Variants in MARCHF10 observed in about 807,000 individuals in gnomAD.
MARCHF10 encodes the protein probable E3 ubiquitin-protein ligase MARCHF10.
MARCHF10 carries 64 observed loss-of-function variants against 76.2 expected under a neutral mutation model. The observed-to-expected ratio is 0.84, with a 90% CI of 0.69 to 1.03. The LOEUF is 1.03. Among genes scored for constraint, MARCHF10 ranks in the 50% least tolerant of loss-of-function variants. The pLI, the probability that MARCHF10 is intolerant of heterozygous loss-of-function variation, is 0.00. For synonymous variants in MARCHF10, 340 were observed against 357.5 expected, an observed-to-expected ratio of 0.95 and a Z score of 0.55; for missense variants, 875 against 958.0, an observed-to-expected ratio of 0.91 and a Z score of 1.14.
chr17:62,710,202 C>G (rs1428655988), intron 9 of MARCHF10, among the ~76,000 whole-genome samples: 1 of 152,178 alleles, frequency 6.6e-6, no homozygotes, highest in African/African-American at 2.4e-5. Flanking sequence ...CATCTGTAAC[C>G]TGTATCAACC....
intron 1 of MARCHF10, among the ~76,000 whole-genome samples, chr17:62,803,398 T>C (rs1409077435): frequency 1.3e-5 from 2 of 151,968 alleles, no homozygotes; most frequent in Admixed American, 6.6e-5. Flanking sequence ...GGGAAGACCA[T>C]TGGGAATATT....
Position 62,712,705 on chromosome 17 carries a change from G to A in MARCHF10, c.2215-1361C>T, listed in dbSNP as rs1370131868. Among the ~76,000 whole-genome samples the A allele has an allele frequency of 6.6e-6, 1 of 152,172 alleles. No homozygotes were observed. Among genetic ancestry groups the A allele is most frequent in the Non-Finnish European group, 1.5e-5 (1 of 68,040 alleles). On this transcript the variant is annotated intron_variant, in intron 8 of 10. Transcript: ENST00000311269. The surrounding 1 kb of genome is among the most constrained non-coding windows in gnomAD (Gnocchi z 4.2). ...TGTGCTCTGCTGACCTTGGCCTAGA[G>A]TGAGTAGAGAAGAAGTTGCTTGTTT...
chr17:62,730,714 T>G (rs1030609742), intron 6 of MARCHF10, among the ~76,000 whole-genome samples: 2 of 152,072 alleles, frequency 1.3e-5, no homozygotes, highest in African/African-American at 4.8e-5. Flanking sequence ...CCCAATGTGG[T>G]GAAACCCTGT....
rs1190446237 is a variant in MARCHF10 at position 62,736,476 on chromosome 17, T to A, written c.1392A>T (p.Ser464=). 1.2e-6 allele frequency: 2 copies of A among 1,614,078 alleles called. No individual in the cohort carries two copies. The highest frequency in any genetic ancestry group is 2.7e-5 in the African/African-American group (2 of 74,928). The change falls in exon 6 of 11, where the codon TCA becomes TCT. Residue 464 remains serine, a synonymous_variant. Coordinates refer to ENST00000311269, the MANE Select transcript of MARCHF10 (RefSeq NM_152598.4). The stretch of plus-strand genomic sequence containing the variant: ...GAGGGTTATAGGATGAATTCACTGA[T>A]GATCTTGGAGATATTGGTCTGCCAG... ...FISGRPISPR[S]SVNSSYNPPA... is the part of the protein sequence containing the mutation.
intron 2 of MARCHF10, among the ~76,000 whole-genome samples, chr17:62,789,810 T>C (rs2092812309): frequency 6.6e-6 from 1 of 152,120 alleles, no homozygotes; most frequent in Non-Finnish European, 1.5e-5. Context: ...GGCACATGCC[T>C]GTAATCCCAG....
chr17:62,778,502 G>A (rs137976056), intron 3 of MARCHF10, among the ~76,000 whole-genome samples: 12 of 152,122 alleles, frequency 7.9e-5, no homozygotes, highest in African/African-American at 9.6e-5. Flanking sequence ...AGGCTGAGGC[G>A]GGTGGATCAC....
chr17:62,801,305 C>T (rs1035034542), intron 2 of MARCHF10, among the ~76,000 whole-genome samples: 1 of 152,068 alleles, frequency 6.6e-6, no homozygotes. Flanking sequence ...ACTACAGTGC[C>T]ACCACGCCTG....
chr17:62,744,590 A>G, intron 4 of MARCHF10, 62 bp from the exon 5 acceptor site: 1 of 1,582,152 alleles, frequency 6.3e-7, no homozygotes, highest in Non-Finnish European at 8.6e-7. Flanking sequence ...TTCCATATAA[A>G]GAACGTTCAA....
intron 6 of MARCHF10, among the ~76,000 whole-genome samples, chr17:62,729,999 T>C (rs1001877078): frequency 1.3e-5 from 2 of 152,102 alleles, no homozygotes; most frequent in Non-Finnish European, 2.9e-5. Context: ...CTGACCAACA[T>C]GGTGAAGCCC....
intron 5 of MARCHF10, among the ~76,000 whole-genome samples, chr17:62,741,565 C>G (rs897757808): frequency 6.9e-4 from 105 of 152,234 alleles, no homozygotes; most frequent in Non-Finnish European, 7.4e-4. Context: ...AAACCTTAGT[C>G]AAATGGGTAG....
chr17:62,775,512 G>T (rs916641972), intron 3 of MARCHF10, among the ~76,000 whole-genome samples: 1 of 151,826 alleles, frequency 6.6e-6, no homozygotes. Context: ...CCACTCGGGG[G>T]GGGGCGTGGC....
rs527834872 is a variant in MARCHF10 at position 62,738,971 on chromosome 17, C to T, written c.536-1639G>A. Among the ~76,000 whole-genome samples the T allele has an allele frequency of 3.3e-5, 5 of 152,296 alleles. No individual in the cohort carries two copies. Among genetic ancestry groups the T allele is most frequent in the Admixed American group, 6.5e-5 (1 of 15,300 alleles). Reference sequence around the variant, plus strand: ...CCCATTTTGGGAACAAATGCTTCTACGTAAGCAACTGAATTCTCCTGAAAA... The same window carrying T: ...CCCATTTTGGGAACAAATGCTTCTATGTAAGCAACTGAATTCTCCTGAAAA... On this transcript the variant is annotated intron_variant, in intron 5 of 10. Transcript: ENST00000311269. The surrounding 1 kb of genome is among the most constrained non-coding windows in gnomAD (Gnocchi z 4.0).
chr17:62,753,094 T>TTCTC (rs140348805), intron 4 of MARCHF10, among the ~76,000 whole-genome samples: 2 of 150,350 alleles, frequency 1.3e-5, no homozygotes, highest in South Asian at 2.1e-4. Context: ...AAACCAGAGC[T>TTCTC]TCTCTCTCTC....
rs558376831 is a variant in MARCHF10 at position 62,753,652 on chromosome 17, T to G, written c.382+6183A>C. ...CCCTCTCCTCCGTTCCTTTGCACAC[T>G]CAGTACCTGCTGCCAGGCACATCTT... On this transcript the variant is annotated intron_variant, in intron 4 of 10. Transcript: ENST00000311269. 3.3e-5 allele frequency among the ~76,000 whole-genome samples: 5 copies of G among 152,300 alleles called. No homozygotes were observed. The East Asian group carries it at 7.7e-4, about 24-fold the overall frequency.
At chr17:62,756,057 T>C (rs2092031069) in intron 4 of MARCHF10, among the ~76,000 whole-genome samples, 1 of 152,172 alleles carries the variant, frequency 6.6e-6, no homozygotes, top group Non-Finnish European at 1.5e-5. Flanking sequence ...AAGACCAGCC[T>C]GACCAACATG....
In MARCHF10 at chr17:62,783,614, T is replaced by C. The variant is rs190368278; in HGVS notation, c.210+4866A>G. ...TGTTTTTTTGAAAAGATCAACAAAA[T>C]TGATAGACTGCTAACAAGACTAATA... On this transcript the variant is annotated intron_variant, in intron 3 of 10. Coordinates refer to ENST00000311269, the MANE Select transcript of MARCHF10 (RefSeq NM_152598.4). 1.7e-3 allele frequency among the ~76,000 whole-genome samples: 263 copies of C among 151,818 alleles called. 1 individual carries two copies. The highest frequency in any genetic ancestry group is 6.1e-3 in the African/African-American group (251 of 41,366).
At chr17:62,747,781 T>C (rs749667594) in intron 4 of MARCHF10, among the ~76,000 whole-genome samples, 1 of 152,104 alleles carries the variant, frequency 6.6e-6, no homozygotes, top group Non-Finnish European at 1.5e-5. Flanking sequence ...TCCGGTGTAG[T>C]TCTTGTTGAT....
intron 4 of MARCHF10, among the ~76,000 whole-genome samples, chr17:62,749,820 A>G (rs1159666424): frequency 6.6e-6 from 1 of 152,218 alleles, no homozygotes; most frequent in Admixed American, 6.5e-5. Flanking sequence ...TGCCTTCAGA[A>G]CGGCCTGCCC....
intron 5 of MARCHF10, among the ~76,000 whole-genome samples, chr17:62,742,689 T>C (rs1011256197): frequency 6.3e-4 from 65 of 103,316 alleles, no homozygotes; most frequent in African/African-American, 1.7e-3. Context: ...TTCCTTCCTT[T>C]CTTTTTTCTT....
Sources: allele counts gnomAD v4.1 joint callset (sites outside exome capture counted in the v4.1 genomes callset), GRCh38; gene constraint gnomAD v4.1.1; non-coding constraint Gnocchi (gnomAD v3.1); transcripts MANE v1.5; gene names NCBI Gene and HGNC (gene_info 2026-07-23, HGNC 2026-07-21).